Variants in PRKN observed in about 807,000 individuals in gnomAD.
PRKN encodes the protein E3 ubiquitin-protein ligase parkin.
In PRKN, 56 loss-of-function variants were observed where a neutral mutation model predicts 59.5. The observed-to-expected ratio is 0.94, with a 90% CI of 0.76 to 1.18. The LOEUF is 1.18. PRKN is among the 50% of genes most tolerant of loss of function. The probability of loss-of-function intolerance (pLI) is 0.00; values close to 1 mark genes in which losing one functional copy is unlikely to be tolerated. For missense variants in PRKN, 657 were observed against 596.4 expected, an observed-to-expected ratio of 1.10 and a Z score of -1.06; for synonymous variants, 250 against 222.1, an observed-to-expected ratio of 1.13 and a Z score of -1.12.
intron 4 of PRKN, among the ~76,000 whole-genome samples, chr6:162,179,953 TTTG>T (rs57894741): frequency 0.53 from 79,281 of 149,386 alleles, 22,112 homozygotes; most frequent in Non-Finnish European, 0.63. Context: ...GACAGTGCTT[TTTG>T]TTATCTTATT....
At chr6:162,049,552 T>C (rs1455546902) in intron 5 of PRKN, among the ~76,000 whole-genome samples, 1 of 152,158 alleles carries the variant, frequency 6.6e-6, no homozygotes, top group Non-Finnish European at 1.5e-5. Flanking sequence ...TAGTTGGATA[T>C]GATGCTTCCT....
intron 4 of PRKN, among the ~76,000 whole-genome samples, chr6:162,174,269 T>G (rs879933332): frequency 3.9e-5 from 6 of 152,182 alleles, no homozygotes; most frequent in Non-Finnish European, 8.8e-5. Context: ...TTATATTTGC[T>G]GATGTGAGGC....
intron 1 of PRKN, among the ~76,000 whole-genome samples, chr6:162,493,471 T>C (rs1467204571): frequency 1.3e-5 from 2 of 152,154 alleles, no homozygotes; most frequent in African/African-American, 2.4e-5. Flanking sequence ...CAAATAGAGT[T>C]ATCAGGTGAC....
intron 7 of PRKN, among the ~76,000 whole-genome samples, chr6:161,678,490 A>G (rs1474722131): frequency 6.6e-6 from 1 of 151,974 alleles, no homozygotes; most frequent in Non-Finnish European, 1.5e-5. Context: ...ATCCTTGGTT[A>G]TAAATACAGG....
intron 2 of PRKN, among the ~76,000 whole-genome samples, chr6:162,398,422 C>T (rs1412880959): frequency 6.6e-6 from 1 of 151,010 alleles, no homozygotes; most frequent in South Asian, 2.1e-4. Flanking sequence ...CAGAGTTTTG[C>T]TCTTATCACC....
intron 7 of PRKN, among the ~76,000 whole-genome samples, chr6:161,779,440 CTTTT>C (rs10683923): frequency 3.6e-4 from 15 of 41,840 alleles, no homozygotes; most frequent in Admixed American, 1.1e-3. Flanking sequence ...CTTTTCTTTT[CTTTT>C]TTTTTTTTTT....
At chr6:161,940,871 T>C (rs1779539710) in intron 6 of PRKN, among the ~76,000 whole-genome samples, 2 of 152,160 alleles carry the variant, frequency 1.3e-5, no homozygotes, top group African/African-American at 4.8e-5. Flanking sequence ...CTGGAACTAA[T>C]AGCAAACCTC....
intron 6 of PRKN, among the ~76,000 whole-genome samples, chr6:161,922,165 CCT>C (rs754349145): frequency 3.5e-4 from 53 of 152,176 alleles, no homozygotes; most frequent in Non-Finnish European, 5.7e-4. Flanking sequence ...CAATAAACCC[CCT>C]GTTGTCAAAT....
intron 4 of PRKN, among the ~76,000 whole-genome samples, chr6:162,142,042 T>A (rs1366312036): frequency 6.6e-6 from 1 of 152,180 alleles, no homozygotes; most frequent in African/African-American, 2.4e-5. Flanking sequence ...ACATGATCAC[T>A]TATATTAATA....
chr6:161,853,860 C>A (rs1793533956), intron 6 of PRKN, among the ~76,000 whole-genome samples: 1 of 152,126 alleles, frequency 6.6e-6, no homozygotes, highest in Non-Finnish European at 1.5e-5. Flanking sequence ...ACCCATCATG[C>A]CCATTCAGTG....
At chr6:162,019,385 G>A (rs1429518224) in intron 5 of PRKN, among the ~76,000 whole-genome samples, 1 of 152,156 alleles carries the variant, frequency 6.6e-6, no homozygotes, top group Non-Finnish European at 1.5e-5. Context: ...ACTTTGAGGG[G>A]CACTGAAGTG....
At chr6:161,602,220 ATCTC>A (rs1161549385) in intron 7 of PRKN, among the ~76,000 whole-genome samples, 2 of 152,178 alleles carry the variant, frequency 1.3e-5, no homozygotes, top group African/African-American at 2.4e-5. Context: ...CATTCAATGT[ATCTC>A]TCTATTTATC....
intron 8 of PRKN, among the ~76,000 whole-genome samples, chr6:161,559,374 C>T (rs1780368272): frequency 6.6e-6 from 1 of 152,168 alleles, no homozygotes; most frequent in South Asian, 2.1e-4. Context: ...ACTATGGAAA[C>T]AGGGTGGTGA....
chr6:161,626,350 G>A (rs141546342), intron 7 of PRKN, among the ~76,000 whole-genome samples: 14 of 152,298 alleles, frequency 9.2e-5, no homozygotes, highest in African/African-American at 2.6e-4. Flanking sequence ...AGTGCAGACC[G>A]AACTACCACC....
chr6:161,800,690 A>G (rs538446766), intron 6 of PRKN, among the ~76,000 whole-genome samples: 91 of 152,270 alleles, frequency 6.0e-4, no homozygotes, highest in African/African-American at 2.1e-3. Context: ...CATAGCTGAT[A>G]TCTTCAACAG....
Position 161,801,646 on chromosome 6 carries a change from T to C in PRKN, c.735-15738A>G, listed in dbSNP as rs564228850. The stretch of plus-strand genomic sequence containing the variant: ...TTTACCTGTGGCTGCTTTTCAGTTA[T>C]GAAAATAATCGAACGGGCCTTAGAT... On this transcript the variant is annotated intron_variant, in intron 6 of 11. Coordinates refer to ENST00000366898, the MANE Select transcript of PRKN (RefSeq NM_004562.3). Among the ~76,000 whole-genome samples the C allele has an allele frequency of 3.9e-5, 6 of 152,288 alleles. No homozygotes were observed. In the East Asian group the frequency reaches 9.7e-4, roughly 25 times the overall value.
chr6:162,240,291 G>T (rs548896213), intron 3 of PRKN, among the ~76,000 whole-genome samples: 1 of 152,114 alleles, frequency 6.6e-6, no homozygotes, highest in Admixed American at 6.6e-5. Context: ...CGAAGACTAT[G>T]CAAATGACAT....
rs150681339 is a variant in PRKN, at chr6:162,013,171, T to C, written c.619-39754A>G. 6.6e-3 allele frequency among the ~76,000 whole-genome samples: 1,001 copies of C among 152,300 alleles called. 12 individuals are homozygous for C. Among genetic ancestry groups the C allele is most frequent in the African/African-American group, 0.022 (920 of 41,566 alleles). On this transcript the variant is annotated intron_variant, in intron 5 of 11. Coordinates refer to ENST00000366898, the MANE Select transcript of PRKN (RefSeq NM_004562.3). ...GGAAGAGACTTCTAACATTTATTTA[T>C]GTATGTATTTATTTGGTTATATCAT... is the stretch of plus-strand genomic sequence containing the variant.
chr6:161,851,263 C>T (rs1177009021), intron 6 of PRKN, among the ~76,000 whole-genome samples: 1 of 152,020 alleles, frequency 6.6e-6, no homozygotes, highest in Non-Finnish European at 1.5e-5. Flanking sequence ...GATGTCTTCA[C>T]CATGTTATGA....
Sources: allele counts gnomAD v4.1 joint callset (sites outside exome capture counted in the v4.1 genomes callset), GRCh38; gene constraint gnomAD v4.1.1; transcripts MANE v1.5; gene names NCBI Gene and HGNC (gene_info 2026-07-23, HGNC 2026-07-21).